The following PTPRA variants were observed in gnomAD, a reference collection of about 807,000 sequenced individuals.
PTPRA encodes the protein receptor-type tyrosine-protein phosphatase alpha.
In PTPRA, 25 loss-of-function variants were observed where a neutral mutation model predicts 104.8. The observed-to-expected ratio is 0.24, with a 90% CI of 0.17 to 0.33. The LOEUF is 0.33. PTPRA is among the 10% of genes least tolerant of loss of function. The probability of loss-of-function intolerance (pLI) is 1.00; values close to 1 mark genes in which losing one functional copy is unlikely to be tolerated. For synonymous variants in PTPRA, 323 were observed against 368.9 expected, an observed-to-expected ratio of 0.88 and a Z score of 1.43; for missense variants, 765 against 1,015.3, an observed-to-expected ratio of 0.75 and a Z score of 3.35.
At chr20:2,953,723 T>G (rs1387895780) in intron 3 of PTPRA, among the ~76,000 whole-genome samples, 2 of 151,048 alleles carry the variant, frequency 1.3e-5, no homozygotes, top group African/African-American at 2.4e-5. Flanking sequence ...TTCTCCTGCC[T>G]CAGACTTCCA....
At chr20:2,912,400 G>A (rs1454301156) in intron 1 of PTPRA, among the ~76,000 whole-genome samples, 1 of 151,978 alleles carries the variant, frequency 6.6e-6, no homozygotes, top group Non-Finnish European at 1.5e-5. Flanking sequence ...GAGGCAAGTG[G>A]ATTGCTTGAG....
At chr20:2,921,486 A>G (rs1464520852) in intron 1 of PTPRA, among the ~76,000 whole-genome samples, 1 of 152,094 alleles carries the variant, frequency 6.6e-6, no homozygotes, top group East Asian at 1.9e-4. Context: ...TTTATTATGT[A>G]TAAATAATAG....
intron 13 of PTPRA, among the ~76,000 whole-genome samples, chr20:3,020,862 A>G (rs1197021192): frequency 1.3e-5 from 2 of 152,244 alleles, no homozygotes; most frequent in East Asian, 3.9e-4. Flanking sequence ...CTCAGGCAAC[A>G]GAAAAAGCTC....
At chr20:2,982,091 C>CTTT (rs11475103) in intron 6 of PTPRA, among the ~76,000 whole-genome samples, 39 of 136,586 alleles carry the variant, frequency 2.9e-4, no homozygotes, top group East Asian at 6.2e-4. Context: ...TCTTCTTCTT[C>CTTT]TTTTTTTTTT....
Position 3,038,529 on chromosome 20 carries a change from T to C in PTPRA, c.*396T>C, listed in dbSNP as rs1248030975. On this transcript the variant is annotated 3_prime_UTR_variant, in exon 24 of 24. Transcript: ENST00000399903. Reference sequence around the variant, plus strand: ...GAAAGTGGTTGTCCCCGTACCACCATGCACTGTAAATATCCCTCCCCTCTC... The same window carrying C: ...GAAAGTGGTTGTCCCCGTACCACCACGCACTGTAAATATCCCTCCCCTCTC... 7 of 230,938 alleles carry C rather than the reference T, an allele frequency of 3.0e-5. No individual in the cohort carries two copies. In the Admixed American group the frequency reaches 3.8e-4, roughly 13 times the overall value. 14.3% of individuals were successfully genotyped at this position (230,938 alleles called of 1,614,324 possible). A position where few individuals can be genotyped will look rare whatever the true frequency, so the allele number is the denominator to read the frequency against.
At chr20:2,962,130 CTTGCTGAGA>C (rs1209156033) in intron 3 of PTPRA, among the ~76,000 whole-genome samples, 1 of 152,174 alleles carries the variant, frequency 6.6e-6, no homozygotes, top group Non-Finnish European at 1.5e-5. Context: ...CACAAAATAA[CTTGCTGAGA>C]TTATGATTGA....
chr20:2,900,996 G>A (rs2059211877), intron 1 of PTPRA, among the ~76,000 whole-genome samples: 3 of 151,882 alleles, frequency 2.0e-5, no homozygotes, highest in Admixed American at 2.0e-4. Context: ...TTTTGAGATG[G>A]AGTCTTGCTC....
In PTPRA at chr20:2,896,811, C is replaced by G. The variant is rs376228533; in HGVS notation, c.-129+23051C>G. ...AACAAAAGCAGAAAAACTTCCCTTT[C>G]CCCTTCACTTATTTCTGATTCAGGG... On this transcript the variant is annotated intron_variant, in intron 1 of 23. Coordinates refer to ENST00000399903, the MANE Select transcript of PTPRA (RefSeq NM_001385305.1). Among the ~76,000 whole-genome samples, 16 of 152,258 alleles carry G rather than the reference C, an allele frequency of 1.1e-4. No homozygotes were observed. In the East Asian group the frequency reaches 1.3e-3, roughly 13 times the overall value.
rs369524232 is a variant in PTPRA, at chr20:3,035,882, C to T, written c.2139C>T (p.Ile713=). Residue 713 remains isoleucine (I), a synonymous_variant, in exon 22 of 24, where the codon ATC becomes ATT. Transcript: ENST00000399903. The surrounding 1 kb of genome is among the most constrained non-coding windows in gnomAD (Gnocchi z 5.8). ...PSDGKGMISI[I]AAVQKQQQQS... is the part of the protein sequence containing the mutation. ...ACGGAAAGGGCATGATCAGCATCAT[C>T]GCCGCCGTGCAGAAGCAGCAGCAGC... The T allele has an allele frequency of 1.9e-6, 3 of 1,614,062 alleles. No homozygotes were observed. The highest frequency in any genetic ancestry group is 1.7e-6 in the Non-Finnish European group (2 of 1,180,048).
At chr20:2,943,704 C>T (rs1429761052) in intron 2 of PTPRA, among the ~76,000 whole-genome samples, 1 of 152,160 alleles carries the variant, frequency 6.6e-6, no homozygotes, top group Non-Finnish European at 1.5e-5. Context: ...GTAACAAAGT[C>T]ATACTTCTGC....
At chr20:2,978,083 G>A (rs2148051231) in intron 6 of PTPRA, among the ~76,000 whole-genome samples, 1 of 152,328 alleles carries the variant, frequency 6.6e-6, no homozygotes, top group African/African-American at 2.4e-5. Flanking sequence ...CAGTTGACAT[G>A]TGTGAGGTGT....
intron 9 of PTPRA, among the ~76,000 whole-genome samples, chr20:2,993,406 A>G (rs1273969338): frequency 1.3e-5 from 2 of 152,204 alleles, no homozygotes; most frequent in African/African-American, 2.4e-5. Flanking sequence ...TCTCACATTG[A>G]TGTCATTAGC....
Position 2,910,435 on chromosome 20 carries a change from A to ATT in PTPRA, c.-128-12771_-128-12770dup, listed in dbSNP as rs1291565753. Among the ~76,000 whole-genome samples, 132 of 127,944 alleles carry ATT rather than the reference A, an allele frequency of 1.0e-3. 1 individual carries two copies. The highest frequency in any genetic ancestry group is 1.8e-3 in the South Asian group (8 of 4,402). 83.9% of individuals were successfully genotyped at this position (127,944 alleles called of 152,430 possible). A position where few individuals can be genotyped will look rare whatever the true frequency, so the allele number is the denominator to read the frequency against. On this transcript the variant is annotated intron_variant, in intron 1 of 23. Coordinates refer to ENST00000399903, the MANE Select transcript of PTPRA (RefSeq NM_001385305.1). ...ATATTATATAATATATAAAATGTAT[A>ATT]TTATATATAAGTAAAGTATATATTA...
At chr20:2,910,011 C>CGT (rs2059598691) in intron 1 of PTPRA, among the ~76,000 whole-genome samples, 1 of 100,100 alleles carries the variant, frequency 1.0e-5, no homozygotes, top group Non-Finnish European at 1.8e-5. Flanking sequence ...TATCATATAT[C>CGT]ATATATAATC....
At chr20:2,992,757 C>T (rs1342024630) in intron 9 of PTPRA, among the ~76,000 whole-genome samples, 1 of 152,168 alleles carries the variant, frequency 6.6e-6, no homozygotes. Context: ...TTCTCTGTGG[C>T]CTGGATCAGC....
chr20:2,872,302 C>A (rs2089449328), upstream of PTPRA, among the ~76,000 whole-genome samples: 1 of 152,246 alleles, frequency 6.6e-6, no homozygotes, highest in Non-Finnish European at 1.5e-5. This position sits in a 1 kb window ranked among gnomAD's most constrained non-coding sequence, Gnocchi z 7.9. Context: ...CACAACCCTT[C>A]CCCGGGGGCG....
chr20:2,979,790 C>T (rs1175381027), intron 6 of PTPRA, among the ~76,000 whole-genome samples: 1 of 152,250 alleles, frequency 6.6e-6, no homozygotes, highest in Non-Finnish European at 1.5e-5. Flanking sequence ...GCAGTCCTCC[C>T]ACCCTGGCCT....
chr20:3,022,122 C>T lies in PTPRA; in HGVS notation c.1230C>T (p.Asp410=), dbSNP rs1489865298. 6.1e-5 allele frequency: 99 copies of T among 1,614,114 alleles called. No individual in the cohort carries two copies. Among genetic ancestry groups the T allele is most frequent in the Non-Finnish European group, 8.2e-5 (97 of 1,180,036 alleles). Residue 410 remains aspartate, a synonymous_variant, in exon 15 of 24, where the codon GAC becomes GAT. Transcript: ENST00000399903. The surrounding 1 kb of genome is among the most constrained non-coding windows in gnomAD (Gnocchi z 4.6). The stretch of plus-strand genomic sequence containing the variant: ...AGTTCCACTTTACCAGCTGGCCAGA[C>T]TTTGGGGTGCCTTTTACCCCGATCG... The part of the protein sequence containing the change: ...ITQFHFTSWP[D]FGVPFTPIGM...
At chr20:2,905,978 A>C (rs905426883) in intron 1 of PTPRA, among the ~76,000 whole-genome samples, 1 of 151,824 alleles carries the variant, frequency 6.6e-6, no homozygotes, top group Non-Finnish European at 1.5e-5. Flanking sequence ...GAGCCACCAC[A>C]CCTGACCTCG....
Sources: gnomAD v4.1 joint callset for allele counts (sites outside exome capture counted in the v4.1 genomes callset) on GRCh38, gnomAD v4.1.1 for gene constraint, Gnocchi (gnomAD v3.1) non-coding constraint, MANE v1.5 for transcripts, NCBI Gene and HGNC (gene_info 2026-07-23, HGNC 2026-07-21) for gene names.